PARD3: variants seen among roughly 807,000 people sequenced by gnomAD.
The protein encoded by PARD3 is partitioning defective 3 homolog.
In PARD3, 75 loss-of-function variants were observed where a neutral mutation model predicts 155.4. The ratio of observed to expected loss-of-function variants is 0.48; its 90% CI spans 0.40 to 0.58. The LOEUF (loss-of-function observed/expected upper bound fraction) is 0.58, where lower values mean the gene tolerates loss of function less well. PARD3 is among the 20% of genes least tolerant of loss of function. The probability of loss-of-function intolerance (pLI) is 0.00; values close to 1 mark genes in which losing one functional copy is unlikely to be tolerated. For missense variants in PARD3, 1,642 were observed against 1,721.7 expected (o/e 0.95, Z 0.82); for synonymous variants, 576 against 610.5 (o/e 0.94, Z 0.83).
chr10:34,594,129 G>A (rs1304705193), intron 2 of PARD3, among the ~76,000 whole-genome samples: 1 of 152,130 alleles, frequency 6.6e-6, no homozygotes, highest in Non-Finnish European at 1.5e-5. Context: ...GAAAGCAAGG[G>A]TTTATTACTG....
intron 2 of PARD3, among the ~76,000 whole-genome samples, chr10:34,531,355 T>C (rs1397536312): frequency 6.6e-6 from 1 of 152,162 alleles, no homozygotes; most frequent in Non-Finnish European, 1.5e-5. Context: ...AGCTGAACAT[T>C]TTTTTAAGCC....
At chr10:34,321,968 C>G (rs529923922) in intron 19 of PARD3, among the ~76,000 whole-genome samples, 14 of 152,270 alleles carry the variant, frequency 9.2e-5, no homozygotes, top group South Asian at 4.1e-4. Flanking sequence ...ATTTCCCCCC[C>G]CCATTGAGAA....
intron 22 of PARD3, among the ~76,000 whole-genome samples, chr10:34,233,028 T>G (rs1383657503): frequency 7.0e-6 from 1 of 143,064 alleles, no homozygotes; most frequent in Non-Finnish European, 1.5e-5. Flanking sequence ...TTTTTTTTTT[T>G]TTTTTTTTTT....
At chr10:34,581,229 C>CTTTTTTTTTTT (rs1564376327) in intron 2 of PARD3, among the ~76,000 whole-genome samples, 22 of 95,128 alleles carry the variant, frequency 2.3e-4, no homozygotes, top group African/African-American at 9.5e-4. Context: ...TTTTCTTTTT[C>CTTTTTTTTTTT]TTTTCTTTTT....
At chr10:34,428,874 C>G (rs770666701) in intron 5 of PARD3, among the ~76,000 whole-genome samples, 2 of 151,966 alleles carry the variant, frequency 1.3e-5, no homozygotes, top group Non-Finnish European at 2.9e-5. Flanking sequence ...AATAGAAGTA[C>G]GAATCAGTCA....
At chr10:34,165,306 G>A (rs12247443) in intron 22 of PARD3, among the ~76,000 whole-genome samples, 197 of 152,208 alleles carry the variant, frequency 1.3e-3, no homozygotes, top group African/African-American at 4.5e-3. Context: ...TGCTGAGCTG[G>A]CCAGCTTCTT....
At chr10:34,333,122 G>A (rs1377354526) in intron 18 of PARD3, among the ~76,000 whole-genome samples, 1 of 151,968 alleles carries the variant, frequency 6.6e-6, no homozygotes, top group Admixed American at 6.6e-5. Context: ...GTGCTTTCTT[G>A]AGTTTATTAA....
At chr10:34,695,025 A>C (rs1163746108) in intron 2 of PARD3, among the ~76,000 whole-genome samples, 2 of 151,642 alleles carry the variant, frequency 1.3e-5, no homozygotes, top group Non-Finnish European at 2.9e-5. Context: ...TGATCTTACC[A>C]TCTTCTGACC....
chr10:34,634,956 T>C (rs1314098945), intron 2 of PARD3, among the ~76,000 whole-genome samples: 2 of 152,136 alleles, frequency 1.3e-5, no homozygotes, highest in Non-Finnish European at 2.9e-5. Flanking sequence ...GGCACAGTGG[T>C]GCTTCATGTC....
chr10:34,480,865 G>T (rs536527624), intron 3 of PARD3, among the ~76,000 whole-genome samples: 5 of 145,450 alleles, frequency 3.4e-5, no homozygotes, highest in African/African-American at 1.3e-4. Flanking sequence ...GCAGTGGCGC[G>T]ATATCGGCTC....
At chr10:34,367,868 C>T (rs1457326007) in intron 12 of PARD3, among the ~76,000 whole-genome samples, 1 of 152,158 alleles carries the variant, frequency 6.6e-6, no homozygotes, top group African/African-American at 2.4e-5. Flanking sequence ...TTCTGACCTT[C>T]AAAAAAGTTC....
intron 2 of PARD3, among the ~76,000 whole-genome samples, chr10:34,565,394 A>T (rs1463709898): frequency 1.4e-5 from 2 of 147,772 alleles, no homozygotes; most frequent in Non-Finnish European, 3.0e-5. Flanking sequence ...TGGCCTCTCG[A>T]GTAGCTGGGA....
chr10:34,610,869 T>C (rs1030097495), intron 2 of PARD3, among the ~76,000 whole-genome samples: 1 of 152,108 alleles, frequency 6.6e-6, no homozygotes, highest in African/African-American at 2.4e-5. Context: ...GACCTATTTA[T>C]GTCTGTAAAG....
chr10:34,696,470 G>C (rs2094174805), intron 1 of PARD3, 51 bp from the exon 2 acceptor site: 2 of 1,111,568 alleles, frequency 1.8e-6, no homozygotes, highest in South Asian at 1.3e-5. Flanking sequence ...ATCACCAAAA[G>C]GGAATTAGAC....
intron 19 of PARD3, among the ~76,000 whole-genome samples, chr10:34,328,413 T>A (rs191812412): frequency 6.6e-6 from 1 of 152,238 alleles, no homozygotes; most frequent in African/African-American, 2.4e-5. Flanking sequence ...AATGTTAAAC[T>A]AGGAAGGACT....
At chr10:34,812,904 A>AT (rs140660965) in intron 1 of PARD3, among the ~76,000 whole-genome samples, 1 of 152,274 alleles carries the variant, frequency 6.6e-6, no homozygotes, top group East Asian at 1.9e-4. Flanking sequence ...CTAATCGTTA[A>AT]TAAGGACCAG....
At chr10:34,633,213 G>T (rs1259801873) in intron 2 of PARD3, among the ~76,000 whole-genome samples, 2 of 152,090 alleles carry the variant, frequency 1.3e-5, no homozygotes, top group East Asian at 3.9e-4. Context: ...TAAAATGTAC[G>T]GAACTCAATT....
chr10:34,513,467 G>C (rs1170213196), intron 3 of PARD3, among the ~76,000 whole-genome samples: 3 of 152,168 alleles, frequency 2.0e-5, no homozygotes, highest in Non-Finnish European at 4.4e-5. Context: ...ATTTTTGGTA[G>C]AGACAGGGTT....
rs547806127 is a variant in PARD3 at position 34,768,127 on chromosome 10, C to T, written c.120+46749G>A. ...AAGGATATTCTACTGTCCAAGTTCT[C>T]CATACATGAGCCTGTGAACTCCAAA... On this transcript the variant is annotated intron_variant, in intron 1 of 24. Coordinates refer to ENST00000374788, the MANE Select transcript of PARD3 (RefSeq NM_001184785.2). Among the ~76,000 whole-genome samples, 3 of 152,100 alleles carry T rather than the reference C, an allele frequency of 2.0e-5. No individual in the cohort carries two copies. In the South Asian group the frequency reaches 6.2e-4, roughly 32 times the overall value.
Sources: gnomAD v4.1 joint callset for allele counts (sites outside exome capture counted in the v4.1 genomes callset) on GRCh38, gnomAD v4.1.1 for gene constraint, MANE v1.5 for transcripts, NCBI Gene and HGNC (gene_info 2026-07-23, HGNC 2026-07-21) for gene names.